Variants in MEDAG observed in about 807,000 individuals in gnomAD.
MEDAG encodes the protein mesenteric estrogen-dependent adipogenesis protein.
In MEDAG, 25 loss-of-function variants were observed where a neutral mutation model predicts 29.9. The ratio of observed to expected loss-of-function variants is 0.84; its 90% CI spans 0.61 to 1.17. The LOEUF (loss-of-function observed/expected upper bound fraction) is 1.17. Among genes scored for constraint, MEDAG ranks in the 50% most tolerant of loss-of-function variants. MEDAG has a pLI of 0.00. For missense variants in MEDAG, 398 were observed against 372.9 expected, an observed-to-expected ratio of 1.07 and a Z score of -0.56; for synonymous variants, 158 against 148.2, an observed-to-expected ratio of 1.07 and a Z score of -0.48.
intron 2 of MEDAG, among the ~76,000 whole-genome samples, chr13:30,920,494 C>CCTTCAA (rs1292682876): frequency 6.6e-6 from 1 of 151,900 alleles, no homozygotes; most frequent in Non-Finnish European, 1.5e-5. Context: ...AAGGCTGAGG[C>CCTTCAA]AGGAGGATCA....
At chr13:30,920,195 G>T (rs1168796333) in intron 2 of MEDAG, among the ~76,000 whole-genome samples, 1 of 152,164 alleles carries the variant, frequency 6.6e-6, no homozygotes, top group Non-Finnish European at 1.5e-5. Flanking sequence ...TGGGGTAGGG[G>T]TAGGGGTGGA....
chr13:30,907,607 C>A (rs1209750151), intron 1 of MEDAG, among the ~76,000 whole-genome samples: 1 of 152,232 alleles, frequency 6.6e-6, no homozygotes, highest in Non-Finnish European at 1.5e-5. Flanking sequence ...TCCACATGGC[C>A]TCAGGCCTCC....
chr13:30,912,409 T>C (rs1028412685), intron 1 of MEDAG, among the ~76,000 whole-genome samples: 2 of 152,126 alleles, frequency 1.3e-5, no homozygotes, highest in African/African-American at 4.8e-5. Flanking sequence ...CAGCAAAGAA[T>C]TATGATGGTG....
At chr13:30,914,067 A>G (rs1210129198) in intron 1 of MEDAG, among the ~76,000 whole-genome samples, 2 of 152,316 alleles carry the variant, frequency 1.3e-5, no homozygotes, top group South Asian at 2.1e-4. Flanking sequence ...GAACACACAA[A>G]CAAAGAAGAT....
At chr13:30,910,193 AACACAC>A (rs77242350) in intron 1 of MEDAG, among the ~76,000 whole-genome samples, 1 of 149,170 alleles carries the variant, frequency 6.7e-6, no homozygotes, top group Non-Finnish European at 1.5e-5. Context: ...CACACACACA[AACACAC>A]ACACACACAC....
intron 1 of MEDAG, among the ~76,000 whole-genome samples, chr13:30,912,843 A>T (rs1952894332): frequency 6.6e-6 from 1 of 152,152 alleles, no homozygotes; most frequent in African/African-American, 2.4e-5. Context: ...TTTCCTGGGA[A>T]CTCAAATGAA....
chr13:30,920,062 G>T (rs1462339036), intron 2 of MEDAG, among the ~76,000 whole-genome samples: 2 of 152,144 alleles, frequency 1.3e-5, no homozygotes, highest in East Asian at 3.9e-4. Flanking sequence ...TTTCCCACTT[G>T]GGATTGTGTT....
intron 1 of MEDAG, chr13:30,908,722 C>T (rs60171986): frequency 0.3 from 42,714 of 141,400 alleles, 6,382 homozygotes; most frequent in South Asian, 0.35. Context: ...TCCCTCTCTC[C>T]CTCCCTCCCT....
At chr13:30,918,877 G>A (rs147360757) in intron 2 of MEDAG, among the ~76,000 whole-genome samples, 22 of 152,256 alleles carry the variant, frequency 1.4e-4, no homozygotes, top group Admixed American at 3.9e-4. Context: ...TGAAGCCCAC[G>A]TGTTCTTTGG....
chr13:30,921,788 T>A lies in MEDAG; in HGVS notation c.729T>A (p.Ser243Arg). Reference sequence around the variant, plus strand: ...TTAAGTTATTTCTGGAAAAAATGAGTGAGCCTTTAATCCGAAGGAGCAGTT... The same window carrying A: ...TTAAGTTATTTCTGGAAAAAATGAGAGAGCCTTTAATCCGAAGGAGCAGTT... Reference protein sequence around the residue: ...ETIKLFLEKMSEPLIRRSSFS... With the variant: ...ETIKLFLEKMREPLIRRSSFS... Residue 243 changes from serine to arginine, a missense_variant, in exon 4 of 5, where the codon AGT (serine) becomes AGA (arginine). Ser to Arg is a moderately radical substitution (Grantham distance 110). Coordinates refer to ENST00000380482, the MANE Select transcript of MEDAG (RefSeq NM_032849.4). 1 of 1,613,358 alleles carries A rather than the reference T, an allele frequency of 6.2e-7. No individual in the cohort carries two copies. The highest frequency in any genetic ancestry group is 1.3e-5 in the African/African-American group (1 of 74,960).
intron 1 of MEDAG, among the ~76,000 whole-genome samples, chr13:30,915,169 C>G (rs572018197): frequency 6.6e-6 from 1 of 152,144 alleles, no homozygotes; most frequent in Non-Finnish European, 1.5e-5. Context: ...TCCTCACCCC[C>G]CACGTAACAA....
At chr13:30,915,568 T>C (rs1952919509) in intron 1 of MEDAG, among the ~76,000 whole-genome samples, 1 of 152,136 alleles carries the variant, frequency 6.6e-6, no homozygotes, top group Admixed American at 6.5e-5. Context: ...CTTTGCTTTC[T>C]TTCTCTAGTA....
intron 1 of MEDAG, among the ~76,000 whole-genome samples, chr13:30,916,983 A>T (rs981716253): frequency 4.6e-5 from 7 of 152,162 alleles, no homozygotes; most frequent in African/African-American, 9.7e-5. Context: ...GGGGAGAAGG[A>T]AAGGAAAATT....
chr13:30,924,547 C>A lies in MEDAG; in HGVS notation c.*112C>A. 8 of 1,156,052 alleles carry A rather than the reference C, an allele frequency of 6.9e-6. No homozygotes were observed. Among genetic ancestry groups the A allele is most frequent in the Non-Finnish European group, 9.7e-6 (8 of 824,780 alleles). The allele number at this position is 1,156,052 out of a possible 1,614,324, so 71.6% of individuals were successfully genotyped here. A position where few individuals can be genotyped will look rare whatever the true frequency, so the allele number is the denominator to read the frequency against. On this transcript the variant is annotated 3_prime_UTR_variant, in exon 5 of 5. Coordinates refer to ENST00000380482, the MANE Select transcript of MEDAG (RefSeq NM_032849.4). Reference sequence around the variant, plus strand: ...ATACTTCCACCTGCGTGTCAATCTCCGGCTCCTCCATGGCTTCTATGGAGG... The same window carrying A: ...ATACTTCCACCTGCGTGTCAATCTCAGGCTCCTCCATGGCTTCTATGGAGG...
At position 30,917,410 on chromosome 13, in the gene MEDAG, G is replaced by C. The variant is rs1221919868; in HGVS notation, c.286G>C (p.Glu96Gln). The part of the protein sequence containing the change: ...RLSSYIKRYV[E>Q]LTNYCDYKDY... ...ATCTCTGCTTCTTCATAGGTATGTG[G>C]AACTGACCAACTACTGTGATTATAA... The change falls in exon 2 of 5, where the codon GAA (glutamate) becomes CAA (glutamine). Residue 96 changes from glutamate to glutamine, a missense_variant. By Grantham distance (29) the Glu-to-Gln change is conservative. Coordinates refer to ENST00000380482, the MANE Select transcript of MEDAG (RefSeq NM_032849.4). The C allele has an allele frequency of 6.3e-7, 1 of 1,583,082 alleles. No individual in the cohort carries two copies. The highest frequency in any genetic ancestry group is 1.1e-5 in the South Asian group (1 of 90,350).
chr13:30,919,587 G>A (rs1795200105), intron 2 of MEDAG, among the ~76,000 whole-genome samples: 1 of 152,182 alleles, frequency 6.6e-6, no homozygotes, highest in Non-Finnish European at 1.5e-5. Flanking sequence ...TATATCTAAA[G>A]TGCCCAAAAA....
chr13:30,908,494 TCTAAATGGAGACAGCCTTC>T (rs1232789633), intron 1 of MEDAG, among the ~76,000 whole-genome samples: 2 of 152,046 alleles, frequency 1.3e-5, no homozygotes, highest in Non-Finnish European at 2.9e-5. Context: ...GGGAATGTGG[TCTAAATGGAGACAGCCTTC>T]CAGGCAGAGG....
At chr13:30,923,094 T>C (rs904970386) in intron 4 of MEDAG, among the ~76,000 whole-genome samples, 2 of 152,044 alleles carry the variant, frequency 1.3e-5, no homozygotes, top group African/African-American at 4.8e-5. Context: ...CTAATTTTTG[T>C]GGTTTTAGTA....
intron 1 of MEDAG, among the ~76,000 whole-genome samples, chr13:30,914,621 G>A (rs1566126662): frequency 6.6e-6 from 1 of 152,198 alleles, no homozygotes; most frequent in Admixed American, 6.5e-5. Context: ...CTATCCAGCA[G>A]GCTTCCTTCT....
Sources: allele counts gnomAD v4.1 joint callset (sites outside exome capture counted in the v4.1 genomes callset), GRCh38; gene constraint gnomAD v4.1.1; transcripts MANE v1.5; gene names NCBI Gene and HGNC (gene_info 2026-07-23, HGNC 2026-07-21).